Variants in NBEA observed in about 807,000 individuals in gnomAD.
NBEA encodes the protein lysosomal-trafficking regulator 2.
Under a neutral mutation model 343.4 loss-of-function variants are expected in NBEA, and 44 were observed. That is an observed-to-expected ratio of 0.13 (90% CI 0.10 to 0.16). The LOEUF is 0.16. Among genes scored for constraint, NBEA ranks in the 10% least tolerant of loss-of-function variants. The pLI is 1.00. For missense variants in NBEA, 2,555 were observed against 3,631.3 expected (o/e 0.70, Z 7.62); for synonymous variants, 1,175 against 1,238.7 (o/e 0.95, Z 1.08).
At chr13:34,996,615 G>T (rs1326968149) in intron 1 of NBEA, among the ~76,000 whole-genome samples, 1 of 152,118 alleles carries the variant, frequency 6.6e-6, no homozygotes. Context: ...GAAACGTAAT[G>T]TAAGAACCAT....
intron 49 of NBEA, among the ~76,000 whole-genome samples, chr13:35,631,955 A>G (rs2083473501): frequency 6.6e-6 from 1 of 152,240 alleles, no homozygotes; most frequent in Non-Finnish European, 1.5e-5. Context: ...AAACTTTATC[A>G]TGACAGCCTC....
At chr13:35,648,887 A>T (rs1302229228) in intron 51 of NBEA, among the ~76,000 whole-genome samples, 1 of 152,052 alleles carries the variant, frequency 6.6e-6, no homozygotes, top group Admixed American at 6.6e-5. Flanking sequence ...GGAGGGGAGC[A>T]TCAGGAAGAA....
At chr13:35,292,601 TG>T (rs2035873034) in intron 35 of NBEA, among the ~76,000 whole-genome samples, 1 of 152,042 alleles carries the variant, frequency 6.6e-6, no homozygotes, top group African/African-American at 2.4e-5. Flanking sequence ...CTTTTTGTTT[TG>T]CTCTACAGAC....
intron 1 of NBEA, among the ~76,000 whole-genome samples, chr13:34,955,708 TA>T (rs1593275572): frequency 2.0e-5 from 3 of 152,336 alleles, no homozygotes; most frequent in East Asian, 1.9e-4. Context: ...CATTTTTTTT[TA>T]AAATTCTAGT....
chr13:35,098,022 G>C (rs943199527), intron 10 of NBEA, among the ~76,000 whole-genome samples: 30 of 152,066 alleles, frequency 2.0e-4, no homozygotes, highest in Middle Eastern at 3.4e-3. Context: ...ATAAATATAC[G>C]TAGAGATAAA....
intron 41 of NBEA, among the ~76,000 whole-genome samples, chr13:35,477,703 G>A (rs983556163): frequency 1.3e-5 from 2 of 152,090 alleles, no homozygotes; most frequent in African/African-American, 4.8e-5. Context: ...GTGGTGACCT[G>A]GCAGTAGACT....
chr13:35,147,919 A>ATGGTATTAAAATTTAGGGTCC (rs1244992705), intron 18 of NBEA, among the ~76,000 whole-genome samples: 2 of 152,126 alleles, frequency 1.3e-5, no homozygotes, highest in Admixed American at 6.5e-5. Context: ...TAATTACAAG[A>ATGGTATTAAAATTTAGGGTCC]TGGTATTAAA....
At chr13:35,211,960 A>C (rs1188092198) in intron 33 of NBEA, among the ~76,000 whole-genome samples, 1 of 152,124 alleles carries the variant, frequency 6.6e-6, no homozygotes, top group Non-Finnish European at 1.5e-5. Context: ...TTCCTAGAAG[A>C]GACTGGCCCT....
chr13:35,370,306 T>G (rs2041356797), intron 38 of NBEA, among the ~76,000 whole-genome samples: 1 of 152,060 alleles, frequency 6.6e-6, no homozygotes, highest in Non-Finnish European at 1.5e-5. Flanking sequence ...CTTTTGTTTT[T>G]ATTGCTTTTG....
chr13:35,207,932 AT>A (rs2073503049), intron 31 of NBEA, among the ~76,000 whole-genome samples: 1 of 152,134 alleles, frequency 6.6e-6, no homozygotes, highest in African/African-American at 2.4e-5. Context: ...AGAATTTGGC[AT>A]TTAAAGTCTG....
chr13:35,601,546 G>A (rs745891032), intron 47 of NBEA, among the ~76,000 whole-genome samples: 2 of 151,910 alleles, frequency 1.3e-5, no homozygotes, highest in African/African-American at 2.4e-5. Flanking sequence ...GGCAGATCAC[G>A]AGGTCAAGAG....
intron 33 of NBEA, among the ~76,000 whole-genome samples, chr13:35,223,902 T>C (rs2074511074): frequency 6.6e-6 from 1 of 152,160 alleles, no homozygotes; most frequent in African/African-American, 2.4e-5. Context: ...TATTGGAGAC[T>C]CTGTTAGAAA....
intron 1 of NBEA, among the ~76,000 whole-genome samples, chr13:35,026,186 C>G (rs1170840723): frequency 2.0e-5 from 3 of 152,076 alleles, no homozygotes; most frequent in Non-Finnish European, 2.9e-5. Flanking sequence ...CATTCTGTCT[C>G]CTGCTGCCCT....
At chr13:35,518,725 TG>T in intron 41 of NBEA, among the ~76,000 whole-genome samples, 1 of 152,208 alleles carries the variant, frequency 6.6e-6, no homozygotes, top group Non-Finnish European at 1.5e-5. Flanking sequence ...TGAGCACACA[TG>T]GTTGCCCTAC....
chr13:34,992,264 T>TATATATA (rs1555269629), intron 1 of NBEA, among the ~76,000 whole-genome samples: 1 of 70,958 alleles, frequency 1.4e-5, no homozygotes, highest in Non-Finnish European at 3.5e-5. Context: ...ATATATATAT[T>TATATATA]TTTTTTTTTA....
rs1488847939 is a variant in NBEA, at chr13:35,211,081, TTCC to T, written c.5556_5558del (p.Ser1855del). 84 of 1,550,974 alleles carry T rather than the reference TTCC, an allele frequency of 5.4e-5. No individual in the cohort carries two copies. The highest frequency in any genetic ancestry group is 7.3e-5 in the Non-Finnish European group (84 of 1,146,600). ...CCGTGGATTCAGGGTCCTCCTCCTCTTCCTCCTCTTCTAGTTTTGTGAATGGTG... is the reference window on the plus strand; with the variant it reads ...CCGTGGATTCAGGGTCCTCCTCCTCTTCCTCTTCTAGTTTTGTGAATGGTG... On this transcript the variant is annotated inframe_deletion, in exon 33 of 59. Coordinates refer to ENST00000379939, the MANE Select transcript of NBEA (RefSeq NM_001385012.1).
chr13:35,033,144 G>C (rs2062302225), intron 1 of NBEA, among the ~76,000 whole-genome samples: 2 of 151,740 alleles, frequency 1.3e-5, no homozygotes, highest in South Asian at 4.1e-4. Flanking sequence ...TAAGGTCTGA[G>C]ATTTAAGTCT....
intron 49 of NBEA, among the ~76,000 whole-genome samples, chr13:35,634,532 C>T (rs2083613123): frequency 6.6e-6 from 1 of 152,172 alleles, no homozygotes; most frequent in South Asian, 2.1e-4. Flanking sequence ...TGTCATAATA[C>T]TTGTCATCAT....
chr13:35,279,182 A>T (rs1277549594), intron 34 of NBEA, among the ~76,000 whole-genome samples: 2 of 152,204 alleles, frequency 1.3e-5, no homozygotes, highest in African/African-American at 4.8e-5. Context: ...ATAGATGAGA[A>T]TATCACAGTT....
Sources: gnomAD v4.1 joint callset for allele counts (sites outside exome capture counted in the v4.1 genomes callset) on GRCh38, gnomAD v4.1.1 for gene constraint, MANE v1.5 for transcripts, NCBI Gene and HGNC (gene_info 2026-07-23, HGNC 2026-07-21) for gene names.